DDX24: variants seen among roughly 807,000 people sequenced by gnomAD.
DDX24 encodes ATP-dependent RNA helicase DDX24.
DDX24 carries 24 observed loss-of-function variants against 68.9 expected under a neutral mutation model. That is an observed-to-expected ratio of 0.35 (90% CI 0.25 to 0.49). The LOEUF (loss-of-function observed/expected upper bound fraction) is 0.49, where lower values mean the gene tolerates loss of function less well. Ranked by LOEUF, DDX24 falls within the 20% of genes least tolerant of loss-of-function variation. DDX24 has a pLI of 0.99. For synonymous variants in DDX24, 395 were observed against 385.2 expected, an observed-to-expected ratio of 1.03 and a Z score of -0.30; for missense variants, 989 against 1,039.0, an observed-to-expected ratio of 0.95 and a Z score of 0.66.
At chr14:94,066,973 A>C (rs1885719261) in intron 2 of DDX24, among the ~76,000 whole-genome samples, 1 of 152,234 alleles carries the variant, frequency 6.6e-6, no homozygotes, top group Non-Finnish European at 1.5e-5. Flanking sequence ...CCAGCAATGG[A>C]TCCAAACCAA....
intron 7 of DDX24, 36 bp downstream of exon 7, chr14:94,054,960 C>A (rs1210474826): frequency 6.2e-7 from 1 of 1,604,044 alleles, no homozygotes; most frequent in East Asian, 2.2e-5. Context: ...GCAGCACAAT[C>A]CCTTCATTAG....
intron 2 of DDX24, among the ~76,000 whole-genome samples, chr14:94,073,884 A>G (rs1280334049): frequency 6.6e-6 from 1 of 151,990 alleles, no homozygotes. Context: ...TCTACTAAAA[A>G]TACAAAAAAT....
rs1018477494 is a variant in DDX24 at position 94,050,870 on chromosome 14, C to A, written c.*321G>T. 1.8e-5 allele frequency: 5 copies of A among 279,288 alleles called. No individual in the cohort carries two copies. The highest frequency in any genetic ancestry group is 2.6e-5 in the Non-Finnish European group (4 of 152,500). 17.3% of individuals were successfully genotyped at this position (279,288 alleles called of 1,614,324 possible). A position where few individuals can be genotyped will look rare whatever the true frequency, so the allele number is the denominator to read the frequency against. ...AATAATGAAACAAACTACACCACCA[C>A]CCCCATCTTCTATCTAAAAAAAAAA... On this transcript the variant is annotated 3_prime_UTR_variant, in exon 9 of 9. Transcript: ENST00000621632.
intron 2 of DDX24, among the ~76,000 whole-genome samples, chr14:94,077,716 C>T (rs946654993): frequency 2.0e-5 from 3 of 152,192 alleles, no homozygotes; most frequent in Non-Finnish European, 4.4e-5. Context: ...GTTCCTCACT[C>T]TTCCATCTAT....
chr14:94,057,572 C>T, intron 6 of DDX24: 1 of 456,026 alleles, frequency 2.2e-6, no homozygotes, highest in Non-Finnish European at 3.9e-6. Context: ...ACAGAAAAAA[C>T]TAAGACTCTA....
intron 8 of DDX24, 142 bp downstream of exon 8, chr14:94,052,855 TG>T: frequency 8.3e-7 from 1 of 1,202,438 alleles, no homozygotes; most frequent in Non-Finnish European, 1.1e-6. Context: ...TAGGCTCACC[TG>T]GGACCAGGGC....
intron 2 of DDX24, among the ~76,000 whole-genome samples, chr14:94,074,444 A>C (rs1237059138): frequency 6.6e-6 from 1 of 152,236 alleles, no homozygotes; most frequent in Non-Finnish European, 1.5e-5. Flanking sequence ...CATTCACCAC[A>C]TTGGCAGACT....
At chr14:94,068,205 G>T (rs1163564284) in intron 2 of DDX24, among the ~76,000 whole-genome samples, 3 of 152,166 alleles carry the variant, frequency 2.0e-5, no homozygotes, top group Non-Finnish European at 2.9e-5. Flanking sequence ...GCAAGTAGGG[G>T]TAGCTATTCT....
chr14:94,068,302 A>C (rs1020692921), intron 2 of DDX24, among the ~76,000 whole-genome samples: 12 of 152,236 alleles, frequency 7.9e-5, no homozygotes, highest in African/African-American at 2.9e-4. Flanking sequence ...CTTGTCCAAC[A>C]GGAAAATATC....
In DDX24 at chr14:94,057,806, T is replaced by C; in HGVS notation, c.1989+16A>G. 6.2e-7 allele frequency: 1 copy of C among 1,612,576 alleles called. No homozygotes were observed. On this transcript the variant is annotated intron_variant, in intron 6 of 8. Coordinates refer to ENST00000621632, the MANE Select transcript of DDX24 (RefSeq NM_020414.4). ...TCAGTGCAGGCAGATGCCTATAAAT[T>C]TTCAGATGCCCCTACCTGGTAATGG...
intron 7 of DDX24, among the ~76,000 whole-genome samples, chr14:94,054,404 C>A (rs542766367): frequency 6.6e-6 from 1 of 152,200 alleles, no homozygotes; most frequent in African/African-American, 2.4e-5. Context: ...CACATCTTTG[C>A]CAGCAGGAAG....
intron 2 of DDX24, among the ~76,000 whole-genome samples, chr14:94,077,344 T>G (rs1885964781): frequency 6.6e-6 from 1 of 152,196 alleles, no homozygotes; most frequent in African/African-American, 2.4e-5. Context: ...TGACAGGAAC[T>G]GTGGTATACA....
intron 2 of DDX24, among the ~76,000 whole-genome samples, chr14:94,068,902 C>T (rs60955440): frequency 0.036 from 5,494 of 152,132 alleles, 300 homozygotes; most frequent in African/African-American, 0.12. Flanking sequence ...ATGGCTACAT[C>T]GAAAAGTCTG....
intron 6 of DDX24, 115 bp from the exon 7 acceptor site, chr14:94,055,299 C>T: frequency 9.4e-7 from 1 of 1,060,914 alleles, no homozygotes; most frequent in Non-Finnish European, 1.4e-6. Context: ...CAGGTAGAAA[C>T]TTCTGCAGCA....
chr14:94,076,875 T>TA (rs1326685995), intron 2 of DDX24, among the ~76,000 whole-genome samples: 1 of 152,066 alleles, frequency 6.6e-6, no homozygotes, highest in African/African-American at 2.4e-5. Flanking sequence ...GGGGTCCACT[T>TA]ATACACAGAA....
chr14:94,080,921 G>T (rs907306587), intron 1 of DDX24, among the ~76,000 whole-genome samples, 198 bp downstream of exon 1: 2 of 152,154 alleles, frequency 1.3e-5, no homozygotes, highest in Non-Finnish European at 2.9e-5. Flanking sequence ...AGCCAAGGCC[G>T]TCAGGCTCTG....
Position 94,060,322 on chromosome 14 carries a change from T to C in DDX24, c.1689A>G (p.Leu563=), listed in dbSNP as rs144599241. ...TCTCACAATGGATCTTGGTCTCTGT[T>C]AGCGTCTCCACCGTGGCCTCATTCC... The part of the protein sequence containing the change: ...LTRNEATVET[L]TETKIHCETD... Residue 563 remains leucine (L), a synonymous_variant, in exon 5 of 9, where the codon CTA becomes CTG. Transcript: ENST00000621632. 157 of 1,614,232 alleles carry C rather than the reference T, an allele frequency of 9.7e-5. No homozygotes were observed. In the East Asian group the frequency reaches 3.2e-3, roughly 33 times the overall value.
chr14:94,058,602 A>T (rs909823823), intron 5 of DDX24, among the ~76,000 whole-genome samples: 4 of 152,194 alleles, frequency 2.6e-5, no homozygotes, highest in African/African-American at 9.7e-5. Context: ...GGTTCATGGT[A>T]AGCACTTGAT....
chr14:94,063,752 A>C (rs976555875), intron 2 of DDX24, among the ~76,000 whole-genome samples: 1 of 151,950 alleles, frequency 6.6e-6, no homozygotes, highest in Non-Finnish European at 1.5e-5. Context: ...TCTTTAAAAA[A>C]ATTTGCCAGG....
Sources: gnomAD v4.1 joint callset for allele counts (sites outside exome capture counted in the v4.1 genomes callset) on GRCh38, gnomAD v4.1.1 for gene constraint, MANE v1.5 for transcripts, NCBI Gene and HGNC (gene_info 2026-07-23, HGNC 2026-07-21) for gene names.